HYCC2: variants seen among roughly 807,000 people sequenced by gnomAD.
HYCC2 encodes hyccin 2.
At chr2:201,001,642 T>C in the HYCC2 span, among the ~76,000 whole-genome samples, 765 of 152,246 alleles carry the variant, frequency 5.0e-3, 4 homozygotes, top group South Asian at 0.027. Context: ...AACTACTCAA[T>C]TGTATGCTTT....
At chr2:201,060,420 A>T in the HYCC2 span, among the ~76,000 whole-genome samples, 2 of 152,188 alleles carry the variant, frequency 1.3e-5, no homozygotes, top group African/African-American at 4.8e-5. Context: ...GAAATTCTAG[A>T]GAGGTTTTTT....
At chr2:201,017,312 C>A in the HYCC2 span, 1 of 667,388 alleles carries the variant, frequency 1.5e-6, no homozygotes, top group East Asian at 2.8e-5. Flanking sequence ...TAACCAAAAC[C>A]TTTGTGTAAA....
chr2:201,043,863 A>G, the HYCC2 span, among the ~76,000 whole-genome samples: 1 of 152,134 alleles, frequency 6.6e-6, no homozygotes, highest in Non-Finnish European at 1.5e-5. Context: ...ATATCTACAG[A>G]GCACAGCTAC....
the HYCC2 span, chr2:201,064,201 T>C: frequency 1.5e-6 from 1 of 685,032 alleles, no homozygotes; most frequent in Non-Finnish European, 2.6e-6. Context: ...CTCATGTGTA[T>C]GGGCAAAAAA....
the HYCC2 span, among the ~76,000 whole-genome samples, chr2:200,986,047 A>G: frequency 3.9e-5 from 6 of 152,202 alleles, no homozygotes; most frequent in African/African-American, 1.2e-4. Flanking sequence ...TTCCACATCT[A>G]TTCATCTTTT....
chr2:200,980,984 G>C, the HYCC2 span: 1 of 449,868 alleles, frequency 2.2e-6, no homozygotes, highest in South Asian at 2.3e-5. Context: ...ATCAGCCTAC[G>C]ATGGATTGCA....
chr2:201,027,159 G>GAGAATA, the HYCC2 span, among the ~76,000 whole-genome samples: 1 of 151,992 alleles, frequency 6.6e-6, no homozygotes, highest in Non-Finnish European at 1.5e-5. Context: ...AGAAATACAA[G>GAGAATA]CTACCATCAG....
the HYCC2 span, among the ~76,000 whole-genome samples, chr2:201,029,160 A>G: frequency 3.3e-5 from 5 of 152,238 alleles, no homozygotes; most frequent in African/African-American, 1.2e-4. Flanking sequence ...ATGAACAGAC[A>G]CTTCTCAAAA....
chr2:201,043,432 TAAAA>T, the HYCC2 span, among the ~76,000 whole-genome samples: 1 of 74,908 alleles, frequency 1.3e-5, no homozygotes, highest in Non-Finnish European at 2.9e-5. Flanking sequence ...CAATAAATAC[TAAAA>T]AAAAAAAAAA....
At chr2:201,036,806 A>G in the HYCC2 span, among the ~76,000 whole-genome samples, 2 of 152,334 alleles carry the variant, frequency 1.3e-5, no homozygotes, top group East Asian at 3.9e-4. Context: ...ATGGACAAAA[A>G]CTGGAAGCAT....
the HYCC2 span, among the ~76,000 whole-genome samples, chr2:200,983,226 T>C: frequency 2.3e-4 from 35 of 152,342 alleles, no homozygotes; most frequent in Admixed American, 1.5e-3. Flanking sequence ...TTGCTACCTA[T>C]TAAATACATT....
At chr2:200,997,849 A>G in the HYCC2 span, among the ~76,000 whole-genome samples, 2 of 152,208 alleles carry the variant, frequency 1.3e-5, no homozygotes, top group Non-Finnish European at 2.9e-5. Context: ...CATCCTGGCT[A>G]ACACGGTGAA....
At chr2:201,059,346 T>C in the HYCC2 span, among the ~76,000 whole-genome samples, 1 of 152,164 alleles carries the variant, frequency 6.6e-6, no homozygotes, top group African/African-American at 2.4e-5. Flanking sequence ...GCAGAATCCA[T>C]CTCTTATACC....
At chr2:200,997,401 T>C in the HYCC2 span, 1 of 1,318,194 alleles carries the variant, frequency 7.6e-7, no homozygotes, top group East Asian at 2.3e-5. Context: ...TCAATAAATA[T>C]CTATCAAATA....
chr2:201,067,597 T>C, the HYCC2 span, among the ~76,000 whole-genome samples: 1 of 152,302 alleles, frequency 6.6e-6, no homozygotes, highest in East Asian at 1.9e-4. Context: ...AAACAGAAAG[T>C]CTAGAATTCA....
At chr2:201,011,504 ATAAT>A in the HYCC2 span, 1 of 1,098,666 alleles carries the variant, frequency 9.1e-7, no homozygotes. Context: ...AGATAATGAA[ATAAT>A]CACAGATCTA....
chr2:201,007,620 T>A, the HYCC2 span, among the ~76,000 whole-genome samples: 1 of 152,210 alleles, frequency 6.6e-6, no homozygotes, highest in South Asian at 2.1e-4. Context: ...GTTAATCTGA[T>A]AAAGAGTCTT....
the HYCC2 span, among the ~76,000 whole-genome samples, chr2:201,003,805 C>CTTTTT: frequency 2.5e-3 from 165 of 66,344 alleles, no homozygotes; most frequent in Middle Eastern, 0.015. Flanking sequence ...GTTGTTGTTG[C>CTTTTT]TTTTTTTTTT....
At chr2:200,990,197 A>G in the HYCC2 span, among the ~76,000 whole-genome samples, 1 of 152,170 alleles carries the variant, frequency 6.6e-6, no homozygotes, top group Non-Finnish European at 1.5e-5. Context: ...TGTTGTGCTT[A>G]TAATACATTG....
Sources: gnomAD v4.1 joint callset for allele counts (sites outside exome capture counted in the v4.1 genomes callset) on GRCh38, gnomAD v4.1.1 for gene constraint, MANE v1.5 for transcripts, NCBI Gene and HGNC (gene_info 2026-07-23, HGNC 2026-07-21) for gene names.